Variants in VCL observed in about 807,000 individuals in gnomAD.
VCL encodes the protein vinculin.
A neutral mutation model predicts 125.7 loss-of-function variants in VCL; 47 were observed. The ratio of observed to expected loss-of-function variants is 0.37; its 90% CI spans 0.30 to 0.48. The LOEUF (loss-of-function observed/expected upper bound fraction) is 0.48. Ranked by LOEUF, VCL falls within the 20% of genes least tolerant of loss-of-function variation. VCL has a pLI of 0.99. For missense variants in VCL, 1,069 were observed against 1,455.5 expected (o/e 0.73, Z 4.32); for synonymous variants, 458 against 514.6 (o/e 0.89, Z 1.49).
chr10:74,008,626 T>G (rs1176145505), intron 1 of VCL, among the ~76,000 whole-genome samples: 1 of 152,212 alleles, frequency 6.6e-6, no homozygotes, highest in South Asian at 2.1e-4. Context: ...ATCACAAAGT[T>G]GATCTGCTGC....
intron 6 of VCL, among the ~76,000 whole-genome samples, chr10:74,081,809 A>ACAG (rs1839678207): frequency 1.3e-5 from 2 of 152,224 alleles, no homozygotes; most frequent in African/African-American, 4.8e-5. Flanking sequence ...CAGGTGAGGG[A>ACAG]TAGTAAGGGA....
At chr10:74,021,759 TCTC>T (rs1450193205) in intron 1 of VCL, among the ~76,000 whole-genome samples, 2 of 152,118 alleles carry the variant, frequency 1.3e-5, no homozygotes, top group Non-Finnish European at 2.9e-5. Flanking sequence ...AATGCAAAAA[TCTC>T]CTTTTTTCTC....
At chr10:74,044,830 G>C (rs1038616958) in intron 2 of VCL, among the ~76,000 whole-genome samples, 4 of 151,978 alleles carry the variant, frequency 2.6e-5, no homozygotes, top group Non-Finnish European at 5.9e-5. Flanking sequence ...AAGGAGTGAG[G>C]AATTTTCACT....
chr10:74,073,593 A>G (rs1473982019), intron 5 of VCL, among the ~76,000 whole-genome samples: 1 of 152,210 alleles, frequency 6.6e-6, no homozygotes, highest in African/African-American at 2.4e-5. Context: ...TTTAGTGTGT[A>G]TTAATCCAAT....
At position 74,090,119 on chromosome 10, in the gene VCL, C is replaced by T. The variant is rs1839855325; in HGVS notation, c.1273C>T (p.Pro425Ser). The change falls in exon 10 of 22, where the codon CCT (proline) becomes TCT (serine). Residue 425 changes from proline to serine, a missense_variant. This residue lies in a region of VCL where 760 missense variants were observed against 928.9 expected (regional missense o/e 0.82). Coordinates refer to ENST00000211998, the MANE Select transcript of VCL (RefSeq NM_014000.3). Reference sequence around the variant, plus strand: ...GAAAATAGCAGAATTATGTGATGATCCTAAAGAAAGAGATGACATTCTACG... The same window carrying T: ...GAAAATAGCAGAATTATGTGATGATTCTAAAGAAAGAGATGACATTCTACG... ...ARKIAELCDD[P>S]KERDDILRSL... 6.2e-7 allele frequency: 1 copy of T among 1,614,000 alleles called. No homozygotes were observed. Among genetic ancestry groups the T allele is most frequent in the African/African-American group, 1.3e-5 (1 of 74,916 alleles).
Position 74,070,730 on chromosome 10 carries a change from C to A in VCL, c.300C>A (p.Tyr100Ter). Residue 100 changes from tyrosine (Y) to a stop codon, truncating the protein, a stop_gained, in exon 3 of 22, where the codon TAC becomes TAA. Coordinates refer to ENST00000211998, the MANE Select transcript of VCL (RefSeq NM_014000.3). LOFTEE classifies it high-confidence loss of function. ...QAAQMLQSDP[Y>*]SVPARDYLID... ...CTCAGATGCTTCAGTCAGACCCTTA[C>A]TCAGTGCCTGCTCGAGATTATCTAA... The A allele has an allele frequency of 6.2e-7, 1 of 1,614,198 alleles. No homozygotes were observed. The highest frequency in any genetic ancestry group is 8.5e-7 in the Non-Finnish European group (1 of 1,180,024).
At position 74,118,295 on chromosome 10, in the gene VCL, G is replaced by A. The variant is rs1591723164; in HGVS notation, c.*126G>A. 8.8e-7 allele frequency: 1 copy of A among 1,135,088 alleles called. No homozygotes were observed. Among genetic ancestry groups the A allele is most frequent in the Admixed American group, 2.0e-5 (1 of 50,884 alleles). 70.3% of individuals were successfully genotyped at this position (1,135,088 alleles called of 1,614,324 possible). A position where few individuals can be genotyped will look rare whatever the true frequency, so the allele number is the denominator to read the frequency against. On this transcript the variant is annotated 3_prime_UTR_variant, in exon 22 of 22. Coordinates refer to ENST00000211998, the MANE Select transcript of VCL (RefSeq NM_014000.3). Reference sequence around the variant, plus strand: ...ACATCCTGGCCTGGCACATCAGAAAGGAATGGGGGCCTCTTCAAATTAGAA... The same window carrying A: ...ACATCCTGGCCTGGCACATCAGAAAAGAATGGGGGCCTCTTCAAATTAGAA...
chr10:74,056,353 C>G (rs1395101418), intron 2 of VCL, among the ~76,000 whole-genome samples: 1 of 151,936 alleles, frequency 6.6e-6, no homozygotes, highest in Non-Finnish European at 1.5e-5. Flanking sequence ...ATATAATTGA[C>G]AAATGGAAAT....
At chr10:74,032,240 T>TAAAAAAAAA (rs770412004) in intron 1 of VCL, among the ~76,000 whole-genome samples, 3 of 75,984 alleles carry the variant, frequency 3.9e-5, no homozygotes, top group East Asian at 3.5e-4. Context: ...TGTTTCAGAA[T>TAAAAAAAAA]AAAAAAAAAA....
chr10:74,092,065 C>T (rs1188561743), intron 10 of VCL, among the ~76,000 whole-genome samples: 1 of 151,856 alleles, frequency 6.6e-6, no homozygotes, highest in Non-Finnish European at 1.5e-5. Context: ...CACACCACCA[C>T]GCCCAGCTAA....
Position 74,071,801 on chromosome 10 carries a change from T to C in VCL, c.499+718T>C, listed in dbSNP as rs957532452. On this transcript the variant is annotated intron_variant, in intron 4 of 21. Coordinates refer to ENST00000211998, the MANE Select transcript of VCL (RefSeq NM_014000.3). The surrounding 1 kb of genome is among the most constrained non-coding windows in gnomAD (Gnocchi z 4.1). Reference sequence around the variant, plus strand: ...TAACAGCATTTTTATGAGGTTCCAGTGTAGGTGTTCTGTAAAACTTAATGG... The same window carrying C: ...TAACAGCATTTTTATGAGGTTCCAGCGTAGGTGTTCTGTAAAACTTAATGG... Among the ~76,000 whole-genome samples, 1 of 152,206 alleles carries C rather than the reference T, an allele frequency of 6.6e-6. No homozygotes were observed. The highest frequency in any genetic ancestry group is 6.5e-5 in the Admixed American group (1 of 15,274).
chr10:74,019,557 C>G (rs536023241), intron 1 of VCL, among the ~76,000 whole-genome samples: 4 of 152,020 alleles, frequency 2.6e-5, no homozygotes, highest in Admixed American at 6.6e-5. Flanking sequence ...GGAGAGCCAT[C>G]CATTCAAGCA....
chr10:74,043,026 T>C, intron 1 of VCL, 57 bp from the exon 2 acceptor site: 1 of 1,448,094 alleles, frequency 6.9e-7, no homozygotes, highest in African/African-American at 1.4e-5. Context: ...GCTTAAGTAA[T>C]AGTTTTTTAA....
rs544457255 is a variant in VCL, at chr10:74,113,090, C to A, written c.2949+978C>A. Among the ~76,000 whole-genome samples, 168 of 152,294 alleles carry A rather than the reference C, an allele frequency of 1.1e-3. 1 individual carries two copies. Among genetic ancestry groups the A allele is most frequent in the African/African-American group, 3.7e-3 (155 of 41,542 alleles). ...GCCTGTAGAGGCCTCTTGCAGAGCA[C>A]CCTGCAGTGGTATGGTTTGTGTATG... On this transcript the variant is annotated intron_variant, in intron 19 of 21. Coordinates refer to ENST00000211998, the MANE Select transcript of VCL (RefSeq NM_014000.3).
At chr10:74,034,577 GAAC>G (rs749657776) in intron 1 of VCL, among the ~76,000 whole-genome samples, 14 of 152,190 alleles carry the variant, frequency 9.2e-5, no homozygotes, top group African/African-American at 3.4e-4. Flanking sequence ...ATTTGTCAAC[GAAC>G]AACAAGGACT....
intron 13 of VCL, among the ~76,000 whole-genome samples, chr10:74,099,145 C>CCTGA (rs913684378): frequency 6.6e-6 from 1 of 152,204 alleles, no homozygotes; most frequent in Non-Finnish European, 1.5e-5. Flanking sequence ...AAAAATACAA[C>CCTGA]CTGACTCTGA....
chr10:74,099,174 C>T (rs1435192093), intron 13 of VCL, among the ~76,000 whole-genome samples: 1 of 152,180 alleles, frequency 6.6e-6, no homozygotes, highest in African/African-American at 2.4e-5. Flanking sequence ...TGCTTAAACC[C>T]TTCAGTGGGG....
At position 74,094,395 on chromosome 10, in the gene VCL, C is replaced by A; in HGVS notation, c.1477C>A (p.Leu493Ile). 6.2e-7 allele frequency: 1 copy of A among 1,614,178 alleles called. No individual in the cohort carries two copies. Among genetic ancestry groups the A allele is most frequent in the Non-Finnish European group, 8.5e-7 (1 of 1,180,028 alleles). ...CAGACCGGCCAAAGCAGCTGTACAC[C>A]TTGAGGGCAAGATTGAGCAAGCACA... The part of the protein sequence containing the change: ...NSRPAKAAVH[L>I]EGKIEQAQRW... Residue 493 changes from leucine (L) to isoleucine (I), a missense_variant, in exon 11 of 22, where the codon CTT becomes ATT. Transcript: ENST00000211998.
At position 74,051,932 on chromosome 10, in the gene VCL, C is replaced by T. The variant is rs370950426; in HGVS notation, c.239+8779C>T. ...GCAGCAGCAGAGGCATTTCTGCTGGCGGAGCAGGGCTACCCTAGAGGCAGC... is the reference window on the plus strand; with the variant it reads ...GCAGCAGCAGAGGCATTTCTGCTGGTGGAGCAGGGCTACCCTAGAGGCAGC... On this transcript the variant is annotated intron_variant, in intron 2 of 21. Transcript: ENST00000211998. Among the ~76,000 whole-genome samples, 180 of 152,216 alleles carry T rather than the reference C, an allele frequency of 1.2e-3. 1 individual carries two copies. In the East Asian group the frequency reaches 0.013, roughly 11 times the overall value.
Sources: gnomAD v4.1 joint callset for allele counts (sites outside exome capture counted in the v4.1 genomes callset) on GRCh38, gnomAD v4.1.1 for gene constraint, gnomAD v4.1.1 regional missense constraint, Gnocchi (gnomAD v3.1) non-coding constraint, MANE v1.5 for transcripts, NCBI Gene and HGNC (gene_info 2026-07-23, HGNC 2026-07-21) for gene names.